Variants in TBC1D5 observed in about 807,000 individuals in gnomAD.
TBC1D5 encodes TBC1 domain family, member 5.
Under a neutral mutation model 100.3 loss-of-function variants are expected in TBC1D5, and 75 were observed. The observed-to-expected ratio is 0.75, with a 90% CI of 0.62 to 0.91. The LOEUF (loss-of-function observed/expected upper bound fraction) is 0.91. Among genes scored for constraint, TBC1D5 ranks in the 40% least tolerant of loss-of-function variants. The probability of loss-of-function intolerance (pLI) is 0.00; values close to 1 mark genes in which losing one functional copy is unlikely to be tolerated. For synonymous variants in TBC1D5, 323 were observed against 325.6 expected (o/e 0.99, Z 0.09); for missense variants, 910 against 942.4 (o/e 0.97, Z 0.45).
intron 21 of TBC1D5, 26 bp from the exon 23 acceptor site, chr3:17,161,282 G>GA: frequency 6.3e-7 from 1 of 1,577,762 alleles, no homozygotes; most frequent in African/African-American, 1.4e-5. Context: ...AGAAGTACAG[G>GA]TGGATGAAAG....
At chr3:17,221,182 A>G (rs1310670898) in intron 17 of TBC1D5, among the ~76,000 whole-genome samples, 1 of 137,490 alleles carries the variant, frequency 7.3e-6, no homozygotes, top group Non-Finnish European at 1.6e-5. Context: ...CTTACATAGC[A>G]GAAGAGACTT....
chr3:17,165,698 A>G (rs949230711), intron 21 of TBC1D5, among the ~76,000 whole-genome samples: 1 of 152,250 alleles, frequency 6.6e-6, no homozygotes, highest in Non-Finnish European at 1.5e-5. Context: ...GGTTTTTGAG[A>G]AAGTGACTTA....
intron 19 of TBC1D5, among the ~76,000 whole-genome samples, chr3:17,174,621 T>C (rs2067516257): frequency 1.3e-5 from 2 of 152,108 alleles, no homozygotes; most frequent in South Asian, 4.1e-4. Flanking sequence ...TGAGACAGAG[T>C]CTTGCTCTGT....
At chr3:17,688,896 A>G (rs1172719263) in intron 1 of TBC1D5, among the ~76,000 whole-genome samples, 1 of 152,218 alleles carries the variant, frequency 6.6e-6, no homozygotes, top group Non-Finnish European at 1.5e-5. Context: ...TATAATGAAC[A>G]CATCTAACAT....
At chr3:17,540,287 T>C (rs1297793553) in intron 2 of TBC1D5, among the ~76,000 whole-genome samples, 1 of 152,242 alleles carries the variant, frequency 6.6e-6, no homozygotes, top group African/African-American at 2.4e-5. Context: ...TGGTTGTCTT[T>C]TCACCCTATT....
intron 1 of TBC1D5, chr3:17,739,245 C>A (rs1214837549): frequency 1.3e-5 from 2 of 152,230 alleles, no homozygotes; most frequent in Non-Finnish European, 2.9e-5. Flanking sequence ...ACTGCTGCTG[C>A]TAACAGGACA....
exon 22 of TBC1D5, chr3:17,161,189 T>C: frequency 6.2e-7 from 1 of 1,614,214 alleles, no homozygotes; most frequent in Non-Finnish European, 8.5e-7. Flanking sequence ...CCCATCATCA[T>C]CTTTGGAAAT....
intron 1 of TBC1D5, among the ~76,000 whole-genome samples, chr3:17,662,651 C>T (rs371131696): frequency 6.6e-6 from 1 of 152,154 alleles, no homozygotes; most frequent in Non-Finnish European, 1.5e-5. Context: ...AACCCAAGCC[C>T]TCTGATTAGC....
chr3:17,395,053 A>C (rs1320275865), intron 8 of TBC1D5, among the ~76,000 whole-genome samples: 1 of 152,116 alleles, frequency 6.6e-6, no homozygotes, highest in East Asian at 1.9e-4. Flanking sequence ...TGGAGTAAGA[A>C]ATCACCATAC....
intron 17 of TBC1D5, among the ~76,000 whole-genome samples, chr3:17,220,784 G>A (rs1013636397): frequency 6.6e-6 from 1 of 152,050 alleles, no homozygotes; most frequent in African/African-American, 2.4e-5. Context: ...AAACCAAAAG[G>A]ATGGCTTAGT....
At chr3:17,594,641 GAC>G (rs1159816156) in intron 2 of TBC1D5, among the ~76,000 whole-genome samples, 7 of 152,152 alleles carry the variant, frequency 4.6e-5, no homozygotes, top group Admixed American at 4.6e-4. Flanking sequence ...TTTATCACAT[GAC>G]ATAGATTTAC....
intron 18 of TBC1D5, among the ~76,000 whole-genome samples, chr3:17,207,865 T>C (rs2072436397): frequency 6.6e-6 from 1 of 152,244 alleles, no homozygotes. Context: ...ACCACTATTT[T>C]GGCAATTAAC....
chr3:17,233,399 CTA>C (rs932023097), intron 17 of TBC1D5, among the ~76,000 whole-genome samples: 3 of 152,116 alleles, frequency 2.0e-5, no homozygotes, highest in Non-Finnish European at 2.9e-5. Flanking sequence ...ACAAAGTATA[CTA>C]TGTTATAATA....
chr3:17,386,136 C>T (rs1026305479), intron 8 of TBC1D5, among the ~76,000 whole-genome samples: 4 of 151,970 alleles, frequency 2.6e-5, no homozygotes, highest in African/African-American at 4.8e-5. Context: ...TAGAATAATA[C>T]TTTTGAGAGG....
chr3:17,585,753 A>G (rs900652570), intron 2 of TBC1D5, among the ~76,000 whole-genome samples: 1 of 152,228 alleles, frequency 6.6e-6, no homozygotes, highest in Non-Finnish European at 1.5e-5. Flanking sequence ...CAAATAATAT[A>G]ATATAGCATA....
chr3:17,600,213 ATATGTTATGTTATGT>A (rs59063083), intron 2 of TBC1D5, among the ~76,000 whole-genome samples: 2 of 151,026 alleles, frequency 1.3e-5, no homozygotes, highest in African/African-American at 2.4e-5. Context: ...GATTCATATA[ATATGTTATGTTATGT>A]TATGTTATGT....
intron 15 of TBC1D5, among the ~76,000 whole-genome samples, chr3:17,284,377 C>T (rs568800238): frequency 1.0e-3 from 159 of 152,242 alleles, no homozygotes; most frequent in Admixed American, 1.7e-3. Context: ...CTCTGCCTTC[C>T]AAAATGCTGG....
At chr3:17,495,153 C>T (rs2095690794) in intron 3 of TBC1D5, among the ~76,000 whole-genome samples, 2 of 152,146 alleles carry the variant, frequency 1.3e-5, no homozygotes, top group Non-Finnish European at 2.9e-5. Context: ...AGGATTTAGC[C>T]GCCACTTTTG....
At chr3:17,210,941 T>G (rs2072905425) in intron 18 of TBC1D5, among the ~76,000 whole-genome samples, 1 of 152,168 alleles carries the variant, frequency 6.6e-6, no homozygotes, top group Non-Finnish European at 1.5e-5. Flanking sequence ...GTTTTACATT[T>G]TAGAAAAATG....
Sources: allele counts gnomAD v4.1 joint callset (sites outside exome capture counted in the v4.1 genomes callset), GRCh38; gene constraint gnomAD v4.1.1; transcripts MANE v1.5; gene names NCBI Gene and HGNC (gene_info 2026-07-23, HGNC 2026-07-21).